Variants in PPIE observed in about 807,000 individuals in gnomAD.
PPIE encodes peptidyl-prolyl cis-trans isomerase E.
PPIE carries 20 observed loss-of-function variants against 38.4 expected under a neutral mutation model. The observed-to-expected ratio is 0.52, with a 90% confidence interval of 0.37 to 0.76. PPIE has a LOEUF of 0.76. Ranked by LOEUF, PPIE falls within the 30% of genes least tolerant of loss-of-function variation. The pLI is 0.00. For missense variants in PPIE, 322 were observed against 385.8 expected (o/e 0.83, Z 1.39); for synonymous variants, 142 against 135.7 (o/e 1.05, Z -0.32).
intron 1 of PPIE, 77 bp from the exon 2 acceptor site, chr1:39,740,088 G>T: frequency 8.9e-7 from 1 of 1,127,664 alleles, no homozygotes; most frequent in East Asian, 2.4e-5. Flanking sequence ...CCCCTGGCTA[G>T]CATGCTAACT....
intron 9 of PPIE, chr1:39,763,027 G>A: frequency 6.4e-7 from 1 of 1,573,718 alleles, no homozygotes; most frequent in South Asian, 1.1e-5. Context: ...CAGCCAGCTG[G>A]ACCAGACCCC....
At chr1:39,752,516 C>G (rs777926824) in intron 8 of PPIE, among the ~76,000 whole-genome samples, 4 of 152,148 alleles carry the variant, frequency 2.6e-5, no homozygotes, top group African/African-American at 9.7e-5. Flanking sequence ...CATTCTCTTA[C>G]GTGACAAATG....
Position 39,752,982 on chromosome 1 carries a change from A to G in PPIE, c.767A>G (p.Asp256Gly). The change falls in exon 9 of 10, where the codon GAC (aspartate) becomes GGC (glycine). Residue 256 changes from aspartate (D) to glycine (G), a missense_variant. Asp to Gly is a moderately conservative substitution (Grantham distance 94, BLOSUM62 -1). Coordinates refer to ENST00000324379, the MANE Select transcript of PPIE (RefSeq NM_006112.4). Reference protein sequence around the residue: ...SQFFLTCDKTDWLDGKHVVFG... With the variant: ...SQFFLTCDKTGWLDGKHVVFG... Reference sequence around the variant, plus strand: ...TTCTTCCTGACATGTGACAAGACAGACTGGCTGGATGGCAAGCATGTGGTG... The same window carrying G: ...TTCTTCCTGACATGTGACAAGACAGGCTGGCTGGATGGCAAGCATGTGGTG... 6.2e-7 allele frequency: 1 copy of G among 1,614,228 alleles called. No individual in the cohort carries two copies. Among genetic ancestry groups the G allele is most frequent in the Non-Finnish European group, 8.5e-7 (1 of 1,180,046 alleles).
At chr1:39,763,117 G>A in intron 9 of PPIE, 2 of 1,614,060 alleles carry the variant, frequency 1.2e-6, no homozygotes, top group Non-Finnish European at 1.7e-6. Context: ...GGCGTGGTTG[G>A]TGGCATTCAT....
chr1:39,756,829 T>A (rs972078161), downstream of PPIE, among the ~76,000 whole-genome samples: 1 of 152,250 alleles, frequency 6.6e-6, no homozygotes, highest in East Asian at 1.9e-4. Flanking sequence ...ATTTTTTATA[T>A]ATCCCACTTT....
At position 39,754,191 on chromosome 1, in the gene PPIE, T is replaced by C. The variant is rs1182374996; in HGVS notation, c.*836T>C. 6 of 653,782 alleles carry C rather than the reference T, an allele frequency of 9.2e-6. No individual in the cohort carries two copies. Among genetic ancestry groups the C allele is most frequent in the Non-Finnish European group, 9.5e-6 (5 of 527,268 alleles). The allele number at this position is 653,782 out of a possible 1,614,324, so 40.5% of individuals were successfully genotyped here. A position where few individuals can be genotyped will look rare whatever the true frequency, so the allele number is the denominator to read the frequency against. On this transcript the variant is annotated 3_prime_UTR_variant, in exon 10 of 10. Transcript: ENST00000324379. Reference sequence around the variant, plus strand: ...CGTCCATTTATTTACATATTGTCCATGGTGGTTTCTTACTGCAGTGGCAGA... The same window carrying C: ...CGTCCATTTATTTACATATTGTCCACGGTGGTTTCTTACTGCAGTGGCAGA...
rs773058385 is a variant in PPIE at position 39,754,896 on chromosome 1, A to G, written c.*1541A>G. The G allele has an allele frequency of 1.4e-4, 62 of 441,294 alleles. No individual in the cohort carries two copies. Among genetic ancestry groups the G allele is most frequent in the Non-Finnish European group, 1.7e-4 (58 of 332,724 alleles). The allele number at this position is 441,294 out of a possible 1,614,324, so 27.3% of individuals were successfully genotyped here. A position where few individuals can be genotyped will look rare whatever the true frequency, so the allele number is the denominator to read the frequency against. ...CCATCATCACAGCAACATCTAGACT[A>G]GTGTTTGACTAAAAACTGGATACCA... On this transcript the variant is annotated 3_prime_UTR_variant, in exon 10 of 10. Coordinates refer to ENST00000324379, the MANE Select transcript of PPIE (RefSeq NM_006112.4).
At chr1:39,759,287 T>G (rs1648632800), downstream of PPIE, 1 of 152,416 alleles carries the variant, frequency 6.6e-6, no homozygotes, top group Admixed American at 6.5e-5. Context: ...CTGCTGGGCA[T>G]CCAGGGTGAC....
At position 39,756,528 on chromosome 1, in the gene PPIE, T is replaced by C; in HGVS notation, c.*3173T>C. On this transcript the variant is annotated 3_prime_UTR_variant, in exon 10 of 10. Transcript: ENST00000324379. The stretch of plus-strand genomic sequence containing the variant: ...CGCCTCCAGGTGCTCCCAGCATCTG[T>C]TGCAGTCATGGCAGCCTCACGGCAA... 1.0e-6 allele frequency: 1 copy of C among 985,404 alleles called. No homozygotes were observed. Among genetic ancestry groups the C allele is most frequent in the Non-Finnish European group, 1.2e-6 (1 of 829,922 alleles). The allele number at this position is 985,404 out of a possible 1,614,324, so 61.0% of individuals were successfully genotyped here. A position where few individuals can be genotyped will look rare whatever the true frequency, so the allele number is the denominator to read the frequency against.
intron 2 of PPIE, 89 bp from the exon 3 acceptor site, chr1:39,741,277 G>A (rs766488757): frequency 8.8e-6 from 10 of 1,134,662 alleles, no homozygotes; most frequent in East Asian, 2.4e-5. Context: ...GTTTGGATAC[G>A]ACATGTAACT....
downstream of PPIE, chr1:39,760,206 C>A: frequency 3.7e-6 from 3 of 809,188 alleles, no homozygotes; most frequent in Non-Finnish European, 5.7e-6. Context: ...ATTGAGACCA[C>A]CTGGGCTGGA....
chr1:39,742,730 T>G (rs1647093657), intron 4 of PPIE: 1 of 152,544 alleles, frequency 6.6e-6, no homozygotes, highest in South Asian at 2.1e-4. Flanking sequence ...CCAGTCAGCC[T>G]TTTAAAATTT....
intron 8 of PPIE, 77 bp from the exon 9 acceptor site, chr1:39,752,832 CT>C: frequency 6.5e-7 from 1 of 1,527,610 alleles, no homozygotes; most frequent in Non-Finnish European, 8.8e-7. Flanking sequence ...GGCTGAAGGG[CT>C]GTCAACAGCC....
In PPIE at chr1:39,755,388, A is replaced by G; in HGVS notation, c.*2033A>G. The G allele has an allele frequency of 1.0e-6, 1 of 985,410 alleles. No homozygotes were observed. Among genetic ancestry groups the G allele is most frequent in the Non-Finnish European group, 1.2e-6 (1 of 829,932 alleles). 61.0% of individuals were successfully genotyped at this position (985,410 alleles called of 1,614,324 possible). On this transcript the variant is annotated 3_prime_UTR_variant, in exon 10 of 10. Coordinates refer to ENST00000324379, the MANE Select transcript of PPIE (RefSeq NM_006112.4). ...TCCCATGTGCCGACTGGACTTTGTG[A>G]GCTCCAGCTGCTACAGTTGACTGAG...
chr1:39,743,089 C>A, intron 4 of PPIE, 127 bp from the exon 5 acceptor site: 2 of 772,700 alleles, frequency 2.6e-6, no homozygotes, highest in Non-Finnish European at 4.3e-6. Flanking sequence ...GGCTGCATAG[C>A]TTACTGGTAG....
At chr1:39,751,962 G>A (rs1004853232) in intron 8 of PPIE, among the ~76,000 whole-genome samples, 4 of 152,078 alleles carry the variant, frequency 2.6e-5, no homozygotes, top group Admixed American at 2.6e-4. Flanking sequence ...AATTATCCAG[G>A]TGTGGTGGTG....
rs965532410 is a variant in PPIE, at chr1:39,755,680, T to C, written c.*2325T>C. The stretch of plus-strand genomic sequence containing the variant: ...CAGACTCCTGTGACAACCTTGTCAC[T>C]CTGTTCCTCCCTGATACTCTGGGGA... On this transcript the variant is annotated 3_prime_UTR_variant, in exon 10 of 10. Transcript: ENST00000324379. 146 of 985,244 alleles carry C rather than the reference T, an allele frequency of 1.5e-4. No individual in the cohort carries two copies. Among genetic ancestry groups the C allele is most frequent in the Non-Finnish European group, 1.7e-4 (139 of 829,918 alleles). 61.0% of individuals were successfully genotyped at this position (985,244 alleles called of 1,614,324 possible). A position where few individuals can be genotyped will look rare whatever the true frequency, so the allele number is the denominator to read the frequency against.
At chr1:39,740,301 A>T in intron 2 of PPIE, 38 bp downstream of exon 2, 1 of 1,514,620 alleles carries the variant, frequency 6.6e-7, no homozygotes, top group Non-Finnish European at 9.1e-7. Flanking sequence ...TCCTCTTACT[A>T]GGAAAATACC....
At position 39,752,956 on chromosome 1, in the gene PPIE, G is replaced by A. The variant is rs1213657125; in HGVS notation, c.741G>A (p.Gln247=). 1.3e-5 allele frequency: 21 copies of A among 1,614,202 alleles called. No individual in the cohort carries two copies. Among genetic ancestry groups the A allele is most frequent in the Non-Finnish European group, 1.8e-5 (21 of 1,180,026 alleles). ...ANSGPNTNGS[Q]FFLTCDKTDW... is the part of the protein sequence containing the mutation. Reference sequence around the variant, plus strand: ...CTGGCCCAAACACCAATGGCTCTCAGTTCTTCCTGACATGTGACAAGACAG... The same window carrying A: ...CTGGCCCAAACACCAATGGCTCTCAATTCTTCCTGACATGTGACAAGACAG... Residue 247 remains glutamine (Q), a synonymous_variant, in exon 9 of 10, where the codon CAG becomes CAA. Transcript: ENST00000324379.
Sources: gnomAD v4.1 joint callset for allele counts (sites outside exome capture counted in the v4.1 genomes callset) on GRCh38, gnomAD v4.1.1 for gene constraint, MANE v1.5 for transcripts, NCBI Gene and HGNC (gene_info 2026-07-23, HGNC 2026-07-21) for gene names.